GRAMD2B: variants seen among roughly 807,000 people sequenced by gnomAD.
GRAMD2B encodes GRAM domain-containing protein 2B.
Under a neutral mutation model 59.2 loss-of-function variants are expected in GRAMD2B, and 41 were observed. That is an observed-to-expected ratio of 0.69 (90% CI 0.54 to 0.90). The LOEUF is 0.90. Ranked by LOEUF, GRAMD2B falls within the 40% of genes least tolerant of loss-of-function variation. The pLI is 0.00. For synonymous variants in GRAMD2B, 161 were observed against 182.7 expected, an observed-to-expected ratio of 0.88 and a Z score of 0.96; for missense variants, 424 against 500.5, an observed-to-expected ratio of 0.85 and a Z score of 1.46.
chr5:126,485,278 G>C (rs1420415055), intron 10 of GRAMD2B, among the ~76,000 whole-genome samples: 9 of 152,066 alleles, frequency 5.9e-5, no homozygotes, highest in Non-Finnish European at 1.2e-4. Flanking sequence ...TTGAGCCCAG[G>C]AGGTCAAGGC....
intron 1 of GRAMD2B, among the ~76,000 whole-genome samples, chr5:126,435,774 A>G (rs1762310632): frequency 6.6e-6 from 1 of 152,212 alleles, no homozygotes; most frequent in Non-Finnish European, 1.5e-5. Flanking sequence ...CCTTTTTAAT[A>G]TGAATAGAGT....
intron 1 of GRAMD2B, among the ~76,000 whole-genome samples, chr5:126,437,325 G>A (rs552304508): frequency 5.3e-5 from 8 of 152,310 alleles, no homozygotes; most frequent in African/African-American, 1.4e-4. Flanking sequence ...GATTGACAGA[G>A]CGAGAAAGCC....
At chr5:126,425,632 G>A (rs1760484414) in intron 1 of GRAMD2B, among the ~76,000 whole-genome samples, 2 of 152,106 alleles carry the variant, frequency 1.3e-5, no homozygotes, top group Non-Finnish European at 2.9e-5. Flanking sequence ...TAAGCATGAT[G>A]GCGCACACCT....
chr5:126,412,799 G>A (rs1758931346), intron 1 of GRAMD2B, among the ~76,000 whole-genome samples: 1 of 151,964 alleles, frequency 6.6e-6, no homozygotes, highest in African/African-American at 2.4e-5. Flanking sequence ...TTTGATATTG[G>A]TCTATTCAGG....
chr5:126,462,552 C>A, intron 1 of GRAMD2B: 1 of 430,140 alleles, frequency 2.3e-6, no homozygotes, highest in Non-Finnish European at 3.1e-6. Context: ...AGATGAATTT[C>A]ACTTCCTCTT....
chr5:126,480,190 T>C (rs780136811), intron 6 of GRAMD2B: 16 of 363,038 alleles, frequency 4.4e-5, no homozygotes, highest in Middle Eastern at 7.5e-4. Flanking sequence ...AGTGACAGGC[T>C]TTTGGAGCCT....
intron 10 of GRAMD2B, among the ~76,000 whole-genome samples, chr5:126,485,413 C>T (rs114045637): frequency 0.025 from 3,755 of 152,258 alleles, 60 homozygotes; most frequent in Middle Eastern, 0.068. Flanking sequence ...ACTAGCTATA[C>T]TGGTAAGGGA....
chr5:126,407,791 C>T (rs1003836830), intron 1 of GRAMD2B, among the ~76,000 whole-genome samples: 2 of 151,970 alleles, frequency 1.3e-5, no homozygotes, highest in Non-Finnish European at 2.9e-5. Context: ...ACTACTCTGG[C>T]TAATAATGAT....
In GRAMD2B at chr5:126,362,090, G is replaced by A. The variant is rs545358621; in HGVS notation, c.128+1631G>A. ...CCTCCTTTGTTTTTTATTACTAGTG[G>A]AGAATATTTTTTCATTTGTTATTAG... is the stretch of plus-strand genomic sequence containing the variant. On this transcript the variant is annotated intron_variant, in intron 1 of 13. Coordinates refer to the GRAMD2B transcript ENST00000513040. 3.3e-5 allele frequency among the ~76,000 whole-genome samples: 5 copies of A among 152,248 alleles called. No individual in the cohort carries two copies. In the South Asian group the frequency reaches 8.3e-4, roughly 25 times the overall value.
Position 126,386,208 on chromosome 5 carries a change from A to G in GRAMD2B, c.125+14641A>G, listed in dbSNP as rs191308860. Among the ~76,000 whole-genome samples, 8 of 152,234 alleles carry G rather than the reference A, an allele frequency of 5.3e-5. No individual in the cohort carries two copies. The East Asian group carries it at 1.5e-3, about 29-fold the overall frequency. ...CATCTTTTGGGAAAAAAAGACATTCATTTCTTTTGTGTAGCTGGACATCAC... is the reference window on the plus strand; with the variant it reads ...CATCTTTTGGGAAAAAAAGACATTCGTTTCTTTTGTGTAGCTGGACATCAC... On this transcript the variant is annotated intron_variant, in intron 1 of 8. Coordinates refer to the GRAMD2B transcript ENST00000506445.
intron 1 of GRAMD2B, among the ~76,000 whole-genome samples, chr5:126,408,846 C>A (rs565977608): frequency 2.5e-5 from 3 of 118,406 alleles, no homozygotes; most frequent in East Asian, 3.0e-4. Context: ...CCCCTCCCCC[C>A]ACCCGACAAC....
At chr5:126,438,783 T>C (rs72784511) in intron 1 of GRAMD2B, among the ~76,000 whole-genome samples, 4,407 of 152,188 alleles carry the variant, frequency 0.029, 91 homozygotes, top group Admixed American at 0.065. Flanking sequence ...ATTAGCATGA[T>C]TGGAAATTGG....
intron 1 of GRAMD2B, among the ~76,000 whole-genome samples, chr5:126,436,878 A>T (rs935589229): frequency 2.0e-5 from 3 of 152,252 alleles, no homozygotes; most frequent in Admixed American, 1.3e-4. Context: ...TCTGCCAAAA[A>T]AAGACAGAAA....
intron 1 of GRAMD2B, among the ~76,000 whole-genome samples, chr5:126,436,702 C>T (rs1762468898): frequency 6.6e-6 from 1 of 152,130 alleles, no homozygotes; most frequent in African/African-American, 2.4e-5. Context: ...CAATGTCTTA[C>T]TATGACATTA....
At chr5:126,478,796 T>G (rs1484326645) in intron 6 of GRAMD2B, among the ~76,000 whole-genome samples, 1 of 152,174 alleles carries the variant, frequency 6.6e-6, no homozygotes, top group African/African-American at 2.4e-5. Context: ...ACCACCTTAC[T>G]GACAGGGTGA....
intron 1 of GRAMD2B, among the ~76,000 whole-genome samples, chr5:126,406,603 T>C (rs1351011198): frequency 6.6e-6 from 1 of 151,850 alleles, no homozygotes; most frequent in African/African-American, 2.4e-5. Flanking sequence ...GAAAAAGAAA[T>C]CCTAAATTTG....
chr5:126,433,630 T>A (rs1467076264), intron 1 of GRAMD2B: 1 of 152,218 alleles, frequency 6.6e-6, no homozygotes, highest in East Asian at 1.9e-4. Flanking sequence ...ACTTGCATAT[T>A]TATCTGTGCT....
rs930960414 is a variant in GRAMD2B at position 126,439,328 on chromosome 5, C to CTTTTTTTTT, written c.83+15648_83+15656dup. Among the ~76,000 whole-genome samples the CTTTTTTTTT allele has an allele frequency of 5.7e-5, 7 of 122,566 alleles. 1 individual carries two copies. The highest frequency in any genetic ancestry group is 2.1e-4 in the African/African-American group (6 of 29,226). The allele number at this position is 122,566 out of a possible 152,430, so 80.4% of individuals were successfully genotyped here. A position where few individuals can be genotyped will look rare whatever the true frequency, so the allele number is the denominator to read the frequency against. On this transcript the variant is annotated intron_variant, in intron 1 of 13. Coordinates refer to ENST00000285689, the MANE Select transcript of GRAMD2B (RefSeq NM_023927.4). The stretch of plus-strand genomic sequence containing the variant: ...ATTGTTTCTTTGTTTTTTGGTTTTG[C>CTTTTTTTTT]TTTTTTTTTTTTTTTTTGGAGACAG...
intron 1 of GRAMD2B, among the ~76,000 whole-genome samples, chr5:126,415,148 G>C (rs1453139578): frequency 6.6e-6 from 1 of 152,150 alleles, no homozygotes; most frequent in Non-Finnish European, 1.5e-5. Flanking sequence ...TCTAAAAGTT[G>C]TTCAGATGCA....
Sources: allele counts gnomAD v4.1 joint callset (sites outside exome capture counted in the v4.1 genomes callset), GRCh38; gene constraint gnomAD v4.1.1; transcripts MANE v1.5; gene names NCBI Gene and HGNC (gene_info 2026-07-23, HGNC 2026-07-21).